The following ETV1 variants were observed in gnomAD, a reference collection of about 807,000 sequenced individuals.
The protein encoded by ETV1 is ETS translocation variant 1.
ETV1 carries 27 observed loss-of-function variants against 62.3 expected under a neutral mutation model. The observed-to-expected ratio is 0.43, with a 90% confidence interval of 0.32 to 0.60. The LOEUF is 0.60. ETV1 is among the 20% of genes least tolerant of loss of function. The pLI is 0.06. For synonymous variants in ETV1, 222 were observed against 199.6 expected (o/e 1.11, Z -0.94); for missense variants, 605 against 605.8 (o/e 1.00, Z 0.01).
rs150166448 is a variant in ETV1 at position 13,943,771 on chromosome 7, G to C, written c.236-4525C>G. Among the ~76,000 whole-genome samples the C allele has an allele frequency of 1.6e-4, 25 of 152,232 alleles. 2 individuals are homozygous for C. The highest frequency in any genetic ancestry group is 6.0e-4 in the African/African-American group (25 of 41,562). ...TCTTGCTGGAAACATTTTATATCTT[G>C]CTTCTGGGTGGTGGTTATATGGATA... is the stretch of plus-strand genomic sequence containing the variant. On this transcript the variant is annotated intron_variant, in intron 6 of 13. Transcript: ENST00000430479.
chr7:13,940,193 T>A (rs1410322850), intron 6 of ETV1, among the ~76,000 whole-genome samples: 2 of 151,978 alleles, frequency 1.3e-5, no homozygotes, highest in East Asian at 3.9e-4. Context: ...TGAAACCCTG[T>A]CTCAACAAAA....
At chr7:13,950,186 AG>A (rs1413673352) in intron 6 of ETV1, among the ~76,000 whole-genome samples, 4 of 152,198 alleles carry the variant, frequency 2.6e-5, no homozygotes, top group African/African-American at 9.6e-5. Flanking sequence ...TGTGCAAAAC[AG>A]ATGAGAGTGG....
intron 9 of ETV1, among the ~76,000 whole-genome samples, chr7:13,921,499 G>T (rs535539915): frequency 6.6e-6 from 1 of 152,070 alleles, no homozygotes; most frequent in Non-Finnish European, 1.5e-5. Context: ...TTCTTTCAGT[G>T]ACCTGAAGCC....
chr7:13,958,893 T>TC (rs1789816086), intron 6 of ETV1: 3 of 152,198 alleles, frequency 2.0e-5, no homozygotes, highest in Non-Finnish European at 4.4e-5. Context: ...GCTATTATTA[T>TC]CCAACAAACA....
rs183005358 is a variant in ETV1 at position 13,986,796 on chromosome 7, C to T, written c.134-111G>A. The stretch of plus-strand genomic sequence containing the variant: ...TAAATATAAATTTAATTTCAAGAGA[C>T]GCAGTCAACATAAAAATAAAAAAAA... On this transcript the variant is annotated intron_variant, in intron 4 of 13. Transcript: ENST00000430479. The T allele has an allele frequency of 6.9e-3, 5,504 of 801,482 alleles. 31 individuals are homozygous for T. Among genetic ancestry groups the T allele is most frequent in the Non-Finnish European group, 7.8e-3 (4,041 of 517,600 alleles). The allele number at this position is 801,482 out of a possible 1,614,324, so 49.6% of individuals were successfully genotyped here.
chr7:13,989,167 C>A, intron 2 of ETV1, 28 bp from the exon 3 acceptor site: 4 of 807,934 alleles, frequency 5.0e-6, no homozygotes, highest in Admixed American at 3.2e-5. Context: ...GGCTTTTAGG[C>A]TTAAAAAAAA....
intron 9 of ETV1, among the ~76,000 whole-genome samples, chr7:13,927,058 A>G (rs1015193015): frequency 6.6e-6 from 1 of 152,152 alleles, no homozygotes; most frequent in Non-Finnish European, 1.5e-5. Context: ...TTATTTTCAC[A>G]ACATTTATGG....
intron 9 of ETV1, among the ~76,000 whole-genome samples, chr7:13,922,995 T>C (rs2282877): frequency 0.2 from 29,863 of 152,096 alleles, 3,897 homozygotes; most frequent in African/African-American, 0.38. Flanking sequence ...ATTTCTGAGA[T>C]ATTGCTAGAT....
chr7:13,988,856 G>T, intron 3 of ETV1, 152 bp downstream of exon 3: 1 of 1,585,756 alleles, frequency 6.3e-7, no homozygotes, highest in Non-Finnish European at 8.6e-7. Flanking sequence ...TGAAGACTGG[G>T]CTTCTAGAAG....
chr7:13,951,121 C>T lies in ETV1; in HGVS notation c.236-11875G>A, dbSNP rs755486117. ...AAGTTCACTTCACTCACTTATCAGC[C>T]TGCCTACCCCCTATTTAACACATAG... On this transcript the variant is annotated intron_variant, in intron 6 of 13. Coordinates refer to ENST00000430479, the MANE Select transcript of ETV1 (RefSeq NM_004956.5). 6.2e-4 allele frequency among the ~76,000 whole-genome samples: 94 copies of T among 152,088 alleles called. 1 individual carries two copies. The highest frequency in any genetic ancestry group is 2.2e-4 in the Non-Finnish European group (15 of 68,014).
chr7:13,981,213 C>G (rs1265034894), intron 5 of ETV1, among the ~76,000 whole-genome samples: 1 of 152,048 alleles, frequency 6.6e-6, no homozygotes, highest in Admixed American at 6.6e-5. Flanking sequence ...TGGAGCCAAA[C>G]AAGGCGGAAG....
chr7:13,948,936 A>G (rs1025136622), intron 6 of ETV1, among the ~76,000 whole-genome samples: 32 of 152,196 alleles, frequency 2.1e-4, no homozygotes, highest in African/African-American at 7.7e-4. Context: ...TTTTACAGCA[A>G]TATACACAAA....
At chr7:13,984,967 A>G (rs1782403820) in intron 5 of ETV1, among the ~76,000 whole-genome samples, 1 of 147,118 alleles carries the variant, frequency 6.8e-6, no homozygotes, top group South Asian at 2.1e-4. Flanking sequence ...AAATGGTAAG[A>G]GTCTGTCACA....
At chr7:13,950,565 T>C (rs887743478) in intron 6 of ETV1, among the ~76,000 whole-genome samples, 21 of 152,166 alleles carry the variant, frequency 1.4e-4, no homozygotes, top group Non-Finnish European at 7.3e-5. Context: ...GGATGAATGC[T>C]GCAGCCTCAT....
intron 6 of ETV1, among the ~76,000 whole-genome samples, chr7:13,967,060 G>A (rs1465981052): frequency 6.6e-6 from 1 of 151,916 alleles, no homozygotes; most frequent in Admixed American, 6.6e-5. Flanking sequence ...GGTAAAATAA[G>A]AACTGTTATA....
intron 4 of ETV1, 39 bp from the exon 5 acceptor site, chr7:13,986,724 A>C (rs1332909051): frequency 1.4e-6 from 2 of 1,425,784 alleles, no homozygotes; most frequent in Non-Finnish European, 1.9e-6. Flanking sequence ...AAGATTTGCA[A>C]ATCTTTAATC....
Position 13,927,922 on chromosome 7 carries a change from T to A in ETV1, c.802+3580A>T, listed in dbSNP as rs183314937. Among the ~76,000 whole-genome samples the A allele has an allele frequency of 3.9e-3, 592 of 152,338 alleles. 6 individuals carry two copies. The highest frequency in any genetic ancestry group is 0.013 in the African/African-American group (554 of 41,578). ...AGGTGGTATACAACTTTGGTAATTTTAAATATAATTTAAAAGGGAGAATGC... is the reference window on the plus strand; with the variant it reads ...AGGTGGTATACAACTTTGGTAATTTAAAATATAATTTAAAAGGGAGAATGC... On this transcript the variant is annotated intron_variant, in intron 9 of 13. Coordinates refer to ENST00000430479, the MANE Select transcript of ETV1 (RefSeq NM_004956.5).
rs766302808 is a variant in ETV1 at position 13,977,409 on chromosome 7, G to A, written c.235+18C>T. ...AGAAAGACAGAAAAATACAAGAGATGAGTCATACTATACTTACAACTTTCA... is the reference window on the plus strand; with the variant it reads ...AGAAAGACAGAAAAATACAAGAGATAAGTCATACTATACTTACAACTTTCA... On this transcript the variant is annotated intron_variant, in intron 6 of 13. Transcript: ENST00000430479. The A allele has an allele frequency of 2.2e-5, 32 of 1,477,478 alleles. No individual in the cohort carries two copies. The highest frequency in any genetic ancestry group is 2.9e-5 in the Non-Finnish European group (31 of 1,085,874). The allele number at this position is 1,477,478 out of a possible 1,614,324, so 91.5% of individuals were successfully genotyped here. A position where few individuals can be genotyped will look rare whatever the true frequency, so the allele number is the denominator to read the frequency against.
intron 9 of ETV1, among the ~76,000 whole-genome samples, 187 bp downstream of exon 9, chr7:13,931,315 C>T (rs1383426500): frequency 6.6e-6 from 1 of 152,190 alleles, no homozygotes; most frequent in Non-Finnish European, 1.5e-5. Context: ...TCAACCATCA[C>T]CTCATGTCAA....
Sources: gnomAD v4.1 joint callset for allele counts (sites outside exome capture counted in the v4.1 genomes callset) on GRCh38, gnomAD v4.1.1 for gene constraint, MANE v1.5 for transcripts, NCBI Gene and HGNC (gene_info 2026-07-23, HGNC 2026-07-21) for gene names.